The following WWTR1 variants were observed in gnomAD, a reference collection of about 807,000 sequenced individuals.
WWTR1 encodes WW domain containing transcription regulator 1, also known as WW domain-containing transcription regulator protein 1.
WWTR1 carries 13 observed loss-of-function variants against 40.1 expected under a neutral mutation model. The ratio of observed to expected loss-of-function variants is 0.32; its 90% CI spans 0.21 to 0.52. The LOEUF is 0.52. WWTR1 is among the 20% of genes least tolerant of loss of function. The pLI is 0.97. For missense variants in WWTR1, 436 were observed against 523.1 expected, an observed-to-expected ratio of 0.83 and a Z score of 1.63; for synonymous variants, 230 against 210.1, an observed-to-expected ratio of 1.09 and a Z score of -0.82.
At chr3:149,651,300 C>G (rs766415574) in intron 2 of WWTR1, among the ~76,000 whole-genome samples, 1 of 152,106 alleles carries the variant, frequency 6.6e-6, no homozygotes, top group Non-Finnish European at 1.5e-5. Context: ...GTTACTCAAG[C>G]ATGTACTGCA....
Position 149,568,797 on chromosome 3 carries a change from C to T in WWTR1, c.568+4067G>A, listed in dbSNP as rs538554937. Among the ~76,000 whole-genome samples the T allele has an allele frequency of 1.3e-3, 205 of 152,312 alleles. 1 individual carries two copies. The highest frequency in any genetic ancestry group is 3.7e-3 in the South Asian group (18 of 4,826). ...TGTTTTTGTTGTTGAGACGGAGTCT[C>T]GCTCTGTCGCCCAGGCTGGAGTGCA... On this transcript the variant is annotated intron_variant, in intron 3 of 6. Coordinates refer to ENST00000360632, the MANE Select transcript of WWTR1 (RefSeq NM_015472.6).
At chr3:149,603,546 C>T (rs58853453) in intron 2 of WWTR1, among the ~76,000 whole-genome samples, 16 of 145,290 alleles carry the variant, frequency 1.1e-4, no homozygotes, top group African/African-American at 3.8e-4. Flanking sequence ...TACAAAGGTT[C>T]CCCACCCCCC....
intron 3 of WWTR1, among the ~76,000 whole-genome samples, chr3:149,565,837 G>A (rs372827776): frequency 9.2e-5 from 14 of 151,916 alleles, no homozygotes; most frequent in Admixed American, 5.2e-4. Flanking sequence ...CTTGAACCCG[G>A]GAGGTGGAGG....
intron 3 of WWTR1, among the ~76,000 whole-genome samples, chr3:149,560,188 A>G (rs1395291675): frequency 1.3e-5 from 2 of 152,224 alleles, no homozygotes; most frequent in East Asian, 3.8e-4. Context: ...ATGCAAACAT[A>G]TGAAATAGGG....
At chr3:149,706,957 C>A (rs1411970126), upstream of WWTR1, among the ~76,000 whole-genome samples, 1 of 152,106 alleles carries the variant, frequency 6.6e-6, no homozygotes, top group African/African-American at 2.4e-5. Context: ...GGTCTGACAG[C>A]CATTTTTATT....
At chr3:149,694,257 G>A (rs574953430) in intron 1 of WWTR1, among the ~76,000 whole-genome samples, 1 of 152,280 alleles carries the variant, frequency 6.6e-6, no homozygotes, top group African/African-American at 2.4e-5. Flanking sequence ...AGCTGGGCAT[G>A]GTGGCAGGCG....
rs115302962 is a variant in WWTR1, at chr3:149,717,070, C to A, written n.584+372G>T. On this transcript the variant is annotated intron_variant and non_coding_transcript_variant, in intron 5 of 6. Coordinates refer to the WWTR1 transcript ENST00000474080. ...GTAGTCCCAGCTATCTGGGGGCTGA[C>A]GTGGGAGGATTGCTTGAGCTGGGGA... 7.2e-5 allele frequency among the ~76,000 whole-genome samples: 11 copies of A among 152,076 alleles called. No homozygotes were observed. In the South Asian group the frequency reaches 2.3e-3, roughly 32 times the overall value.
intron 2 of WWTR1, among the ~76,000 whole-genome samples, chr3:149,654,095 C>G (rs1300714563): frequency 6.6e-6 from 1 of 151,078 alleles, no homozygotes; most frequent in Non-Finnish European, 1.5e-5. Context: ...CATAGTGAAA[C>G]CCCATCTCTA....
intron 5 of WWTR1, among the ~76,000 whole-genome samples, chr3:149,709,526 A>C (rs1715426794): frequency 6.6e-6 from 1 of 152,194 alleles, no homozygotes; most frequent in African/African-American, 2.4e-5. Context: ...AGGTTAAGTA[A>C]AGAATTTTTC....
At chr3:149,658,544 G>A (rs1271475216), upstream of WWTR1, 1 of 152,318 alleles carries the variant, frequency 6.6e-6, no homozygotes, top group African/African-American at 2.4e-5. Context: ...CCGGCGCGGG[G>A]AGACACCAAC....
intron 2 of WWTR1, among the ~76,000 whole-genome samples, chr3:149,579,629 T>C (rs1313441975): frequency 2.0e-5 from 3 of 151,918 alleles, no homozygotes; most frequent in Non-Finnish European, 4.4e-5. Flanking sequence ...TTGGGCAACA[T>C]AAAAAGACCC....
At chr3:149,694,123 G>A (rs1714905739) in intron 1 of WWTR1, among the ~76,000 whole-genome samples, 1 of 152,238 alleles carries the variant, frequency 6.6e-6, no homozygotes, top group African/African-American at 2.4e-5. Context: ...GCTGGGCGCG[G>A]TGGCTCACGC....
rs150382608 is a variant in WWTR1 at position 149,664,803 on chromosome 3, T to G, written c.-4+4985A>C. Among the ~76,000 whole-genome samples, 934 of 152,254 alleles carry G rather than the reference T, an allele frequency of 6.1e-3. 8 individuals are homozygous for G. Among genetic ancestry groups the G allele is most frequent in the African/African-American group, 0.021 (892 of 41,548 alleles). ...GGTTTCTCTATGTTGGTCAGGCTGG[T>G]CTCGAACTCCTGATCTCAGGTGTGA... is the stretch of plus-strand genomic sequence containing the variant. On this transcript the variant is annotated intron_variant, in intron 2 of 7. Coordinates refer to the WWTR1 transcript ENST00000465804.
At chr3:149,649,452 G>A (rs1006542626) in intron 2 of WWTR1, among the ~76,000 whole-genome samples, 7 of 152,252 alleles carry the variant, frequency 4.6e-5, no homozygotes, top group Middle Eastern at 3.4e-3. Context: ...CAGGCACTGC[G>A]CTCAGCACTT....
At chr3:149,702,017 G>A (rs1480058695) in intron 1 of WWTR1, 1 of 168,722 alleles carries the variant, frequency 5.9e-6, no homozygotes, top group East Asian at 1.1e-4. Flanking sequence ...CTTAAAATTG[G>A]TTTCAACTCC....
At chr3:149,721,547 A>G (rs1055690122) in intron 4 of WWTR1, among the ~76,000 whole-genome samples, 7 of 152,094 alleles carry the variant, frequency 4.6e-5, no homozygotes, top group Non-Finnish European at 8.8e-5. Context: ...TTCATAAGGG[A>G]TATTGGTCTA....
At chr3:149,680,423 A>C (rs1177474865) in intron 1 of WWTR1, among the ~76,000 whole-genome samples, 6 of 152,128 alleles carry the variant, frequency 3.9e-5, no homozygotes, top group African/African-American at 1.2e-4. Context: ...AGGCACCTGT[A>C]ATCTCAGCTA....
intron 1 of WWTR1, among the ~76,000 whole-genome samples, chr3:149,675,428 G>A (rs1714229511): frequency 6.6e-6 from 1 of 152,082 alleles, no homozygotes; most frequent in African/African-American, 2.4e-5. Flanking sequence ...TAACCAAGAG[G>A]GCAGCTGGCC....
At chr3:149,658,283 C>G (rs972188264), upstream of WWTR1, 1 of 152,604 alleles carries the variant, frequency 6.6e-6, no homozygotes, top group Admixed American at 6.5e-5. Context: ...AGACCTGCAT[C>G]TGCATTCCTT....
Sources: gnomAD v4.1 joint callset for allele counts (sites outside exome capture counted in the v4.1 genomes callset) on GRCh38, gnomAD v4.1.1 for gene constraint, MANE v1.5 for transcripts, NCBI Gene and HGNC (gene_info 2026-07-23, HGNC 2026-07-21) for gene names.